Variants in ZNF804A observed in about 807,000 individuals in gnomAD.
ZNF804A encodes zinc finger protein 804A.
Under a neutral mutation model 16.5 loss-of-function variants are expected in ZNF804A, and 2 were observed. That is an observed-to-expected ratio of 0.12 (90% CI 0.05 to 0.38). ZNF804A has a LOEUF of 0.38. Among genes scored for constraint, ZNF804A ranks in the 10% least tolerant of loss-of-function variants. The pLI is 0.99. For missense variants in ZNF804A, 1,473 were observed against 1,390.7 expected, an observed-to-expected ratio of 1.06 and a Z score of -0.94; for synonymous variants, 534 against 489.6, an observed-to-expected ratio of 1.09 and a Z score of -1.20.
At chr2:184,827,368 A>G (rs949528710) in intron 1 of ZNF804A, among the ~76,000 whole-genome samples, 7 of 149,066 alleles carry the variant, frequency 4.7e-5, no homozygotes, top group African/African-American at 1.7e-4. Flanking sequence ...TGGAGGTACA[A>G]TTTATAAATA....
At chr2:184,640,778 TATGATAATG>T (rs1417893196) in intron 1 of ZNF804A, among the ~76,000 whole-genome samples, 1 of 152,164 alleles carries the variant, frequency 6.6e-6, no homozygotes, top group Non-Finnish European at 1.5e-5. Flanking sequence ...GTACAAAGTT[TATGATAATG>T]GCTTTAAGCA....
chr2:184,681,380 A>G (rs563359697), intron 1 of ZNF804A, among the ~76,000 whole-genome samples: 1 of 152,356 alleles, frequency 6.6e-6, no homozygotes, highest in Non-Finnish European at 1.5e-5. Flanking sequence ...TGATGCTAGG[A>G]CTTTGAATTA....
At position 184,939,037 on chromosome 2, in the gene ZNF804A, A is replaced by G. The variant is rs202029440; in HGVS notation, c.*11A>G. The G allele has an allele frequency of 6.2e-7, 1 of 1,608,182 alleles. No individual in the cohort carries two copies. Among genetic ancestry groups the G allele is most frequent in the East Asian group, 2.2e-5 (1 of 44,728 alleles). ...CAACCTCTCTTCTAGTCATCACCAT[A>G]ATGGGAAAAAAATACTCTTGTGAAA... On this transcript the variant is annotated 3_prime_UTR_variant, in exon 4 of 4. Coordinates refer to ENST00000302277, the MANE Select transcript of ZNF804A (RefSeq NM_194250.2).
intron 1 of ZNF804A, among the ~76,000 whole-genome samples, chr2:184,834,049 G>T (rs148696410): frequency 1.3e-5 from 2 of 151,874 alleles, no homozygotes; most frequent in African/African-American, 2.4e-5. Context: ...TGATCCTCGC[G>T]TGAATCAATT....
At chr2:184,731,137 G>A (rs1693508088) in intron 1 of ZNF804A, among the ~76,000 whole-genome samples, 1 of 149,924 alleles carries the variant, frequency 6.7e-6, no homozygotes, top group South Asian at 2.1e-4. Flanking sequence ...TGTAATCCCA[G>A]CTACTCAGGA....
chr2:184,938,307 T>C lies in ZNF804A; in HGVS notation c.2911T>C (p.Cys971Arg), dbSNP rs1376970314. The C allele has an allele frequency of 6.2e-7, 1 of 1,614,162 alleles. No homozygotes were observed. The highest frequency in any genetic ancestry group is 1.7e-5 in the Admixed American group (1 of 59,998). ...FRQSQPKSYLCHYELAEALPQ... is the reference protein window; with the variant it reads ...FRQSQPKSYLRHYELAEALPQ... ...ACAGTCACAGCCTAAATCCTATCTT[T>C]GCCATTATGAACTGGCTGAGGCCCT... is the stretch of plus-strand genomic sequence containing the variant. Residue 971 changes from cysteine (C) to arginine (R), a missense_variant, in exon 4 of 4, where the codon TGC becomes CGC. Cys to Arg is a radical substitution (Grantham distance 180). Coordinates refer to ENST00000302277, the MANE Select transcript of ZNF804A (RefSeq NM_194250.2).
rs1034086140 is a variant in ZNF804A, at chr2:184,598,556, G to A, written c.-404G>A. On this transcript the variant is annotated 5_prime_UTR_variant, in exon 1 of 4. Coordinates refer to ENST00000302277, the MANE Select transcript of ZNF804A (RefSeq NM_194250.2). The stretch of plus-strand genomic sequence containing the variant: ...CTCCGAGTGCAGGCGCCGAGCGCGG[G>A]GGATGCTGCCGCCGCCGCCGCTTCT... 3 of 156,992 alleles carry A rather than the reference G, an allele frequency of 1.9e-5. No homozygotes were observed. In the Admixed American group the frequency reaches 2.0e-4, roughly 10 times the overall value. 9.7% of individuals were successfully genotyped at this position (156,992 alleles called of 1,614,324 possible). A position where few individuals can be genotyped will look rare whatever the true frequency, so the allele number is the denominator to read the frequency against.
At position 184,598,969 on chromosome 2, in the gene ZNF804A, T is replaced by TA; in HGVS notation, c.11dup (p.Tyr4Ter). Residue 4 changes from tyrosine to a stop codon, truncating the protein, a stop_gained and frameshift_variant, in exon 1 of 4, where the codon TAC (tyrosine) becomes TAAC (stop). Coordinates refer to ENST00000302277, the MANE Select transcript of ZNF804A (RefSeq NM_194250.2). LOFTEE classifies it high-confidence loss of function. ...AGGCGGCGGCTGCCCCATGGAGTGT[T>TA]ACTACATTGTCATCAGCTCCACGCA... MEC[Y>*]YIVISSTHLS... is the part of the protein sequence containing the mutation. The TA allele has an allele frequency of 1.2e-6, 2 of 1,610,774 alleles. No homozygotes were observed. The highest frequency in any genetic ancestry group is 1.7e-6 in the Non-Finnish European group (2 of 1,177,186).
chr2:184,600,008 G>T (rs1183907480), intron 1 of ZNF804A, among the ~76,000 whole-genome samples: 1 of 152,184 alleles, frequency 6.6e-6, no homozygotes, highest in East Asian at 1.9e-4. Flanking sequence ...AAAGAGTAAA[G>T]ACAAAGTAGG....
At chr2:184,734,412 C>A (rs1693576928) in intron 1 of ZNF804A, among the ~76,000 whole-genome samples, 1 of 152,022 alleles carries the variant, frequency 6.6e-6, no homozygotes, top group South Asian at 2.1e-4. Context: ...CATGAAATAT[C>A]TTCTATGACT....
chr2:184,633,384 G>A lies in ZNF804A; in HGVS notation c.111+34314G>A, dbSNP rs190306973. On this transcript the variant is annotated intron_variant, in intron 1 of 3. Transcript: ENST00000302277. ...TTTTTTTAAATAAAAAGTAGGTGGCGGAAGAAGTGCTACTTAAAATTGCTC... is the reference window on the plus strand; with the variant it reads ...TTTTTTTAAATAAAAAGTAGGTGGCAGAAGAAGTGCTACTTAAAATTGCTC... Among the ~76,000 whole-genome samples the A allele has an allele frequency of 8.2e-3, 1,240 of 152,000 alleles. 9 individuals are homozygous for A. Among genetic ancestry groups the A allele is most frequent in the Non-Finnish European group, 0.013 (858 of 67,984 alleles).
At chr2:184,650,733 A>G (rs1691968912) in intron 1 of ZNF804A, among the ~76,000 whole-genome samples, 1 of 152,150 alleles carries the variant, frequency 6.6e-6, no homozygotes, top group African/African-American at 2.4e-5. Context: ...AAACCTAGGA[A>G]TACATGTAAC....
intron 1 of ZNF804A, among the ~76,000 whole-genome samples, chr2:184,857,344 T>G (rs989324625): frequency 2.0e-5 from 3 of 152,236 alleles, no homozygotes; most frequent in Admixed American, 1.3e-4. Context: ...AAATAAAGAT[T>G]GATATAATTT....
intron 1 of ZNF804A, among the ~76,000 whole-genome samples, chr2:184,826,138 C>T (rs999296900): frequency 9.5e-4 from 144 of 152,162 alleles, no homozygotes; most frequent in African/African-American, 3.3e-3. Context: ...CCCACCTCGG[C>T]CTCTCAAAGG....
intron 1 of ZNF804A, among the ~76,000 whole-genome samples, chr2:184,687,889 C>A (rs1024007848): frequency 6.6e-6 from 1 of 152,096 alleles, no homozygotes; most frequent in East Asian, 1.9e-4. Flanking sequence ...GAGGCCAAGG[C>A]GGGTGGATCA....
intron 2 of ZNF804A, among the ~76,000 whole-genome samples, chr2:184,917,585 CGTATATTACA>C (rs923197706): frequency 6.6e-6 from 1 of 151,544 alleles, no homozygotes; most frequent in Non-Finnish European, 1.5e-5. Context: ...ATTCCCAAAA[CGTATATTACA>C]GTATATTGTT....
intron 1 of ZNF804A, among the ~76,000 whole-genome samples, chr2:184,717,780 G>A (rs1482057959): frequency 6.6e-6 from 1 of 152,100 alleles, no homozygotes; most frequent in Non-Finnish European, 1.5e-5. Flanking sequence ...GTTATTTAGT[G>A]TGTCTATCAC....
At chr2:184,838,040 AAG>A (rs1397838579) in intron 1 of ZNF804A, among the ~76,000 whole-genome samples, 3 of 152,102 alleles carry the variant, frequency 2.0e-5, no homozygotes, top group African/African-American at 4.8e-5. Flanking sequence ...AGCCCAGAAA[AAG>A]AGAGAACATG....
chr2:184,738,343 T>TG (rs1325675148), intron 1 of ZNF804A, among the ~76,000 whole-genome samples: 1 of 152,048 alleles, frequency 6.6e-6, no homozygotes, highest in African/African-American at 2.4e-5. Flanking sequence ...CAGAAACAGT[T>TG]GGGAAACTTA....
Sources: gnomAD v4.1 joint callset for allele counts (sites outside exome capture counted in the v4.1 genomes callset) on GRCh38, gnomAD v4.1.1 for gene constraint, MANE v1.5 for transcripts, NCBI Gene and HGNC (gene_info 2026-07-23, HGNC 2026-07-21) for gene names.